RUBCN: variants seen among roughly 807,000 people sequenced by gnomAD.
RUBCN encodes run domain Beclin-1-interacting and cysteine-rich domain-containing protein.
RUBCN carries 74 observed loss-of-function variants against 113.2 expected under a neutral mutation model. The observed-to-expected ratio is 0.65, with a 90% CI of 0.54 to 0.79. The LOEUF is 0.79. Among genes scored for constraint, RUBCN ranks in the 30% least tolerant of loss-of-function variants. The pLI is 0.00. For synonymous variants in RUBCN, 480 were observed against 490.0 expected (o/e 0.98, Z 0.27); for missense variants, 1,109 against 1,251.7 (o/e 0.89, Z 1.72).
At position 197,671,166 on chromosome 3, in the gene RUBCN, C is replaced by T. The variant is rs149535879; in HGVS notation, c.*3852G>A. Among the ~76,000 whole-genome samples the T allele has an allele frequency of 7.7e-4, 117 of 152,240 alleles. No homozygotes were observed. The highest frequency in any genetic ancestry group is 2.7e-3 in the African/African-American group (112 of 41,534). On this transcript the variant is annotated 3_prime_UTR_variant, in exon 20 of 20. Coordinates refer to ENST00000296343, the MANE Select transcript of RUBCN (RefSeq NM_014687.4). ...AGTAGCTGGGATTACAAGCACATGC[C>T]ACCATGCCTGGCTAATTTTTATATT...
intron 2 of RUBCN, among the ~76,000 whole-genome samples, chr3:197,714,606 A>G (rs1490550421): frequency 6.6e-6 from 1 of 152,244 alleles, no homozygotes; most frequent in Non-Finnish European, 1.5e-5. Context: ...CTAGAATTAT[A>G]GGCATGAACC....
chr3:197,740,463 C>T (rs116549931), upstream of RUBCN, among the ~76,000 whole-genome samples: 1,502 of 149,854 alleles, frequency 0.01, 31 homozygotes, highest in African/African-American at 0.035. Context: ...GGCAAGACTC[C>T]ATCTTAAAAA....
intron 10 of RUBCN, 158 bp downstream of exon 10, chr3:197,694,217 A>G (rs551530954): frequency 1.3e-6 from 1 of 781,306 alleles, no homozygotes; most frequent in African/African-American, 1.7e-5. Context: ...CTGATGCAGG[A>G]AACGGAGCGA....
At chr3:197,696,825 A>G in intron 8 of RUBCN, 129 bp downstream of exon 8, 4 of 664,222 alleles carry the variant, frequency 6.0e-6, no homozygotes, top group Non-Finnish European at 8.3e-6. Context: ...ATGACAAAAG[A>G]GTGACTGAGA....
rs905934136 is a variant in RUBCN at position 197,744,935 on chromosome 3, A to G, written c.-116+4334T>C. 3.3e-5 allele frequency among the ~76,000 whole-genome samples: 5 copies of G among 152,292 alleles called. No homozygotes were observed. The East Asian group carries it at 9.6e-4, about 29-fold the overall frequency. On this transcript the variant is annotated intron_variant, in intron 1 of 20. Coordinates refer to the RUBCN transcript ENST00000273582. ...AGGTATATATCCTGTACACCTGTAT[A>G]AACTGCATACTTTCAGTATGTGTCT... is the stretch of plus-strand genomic sequence containing the variant.
chr3:197,680,430 G>A (rs895894602), intron 16 of RUBCN, among the ~76,000 whole-genome samples: 2 of 150,128 alleles, frequency 1.3e-5, no homozygotes, highest in African/African-American at 2.5e-5. Flanking sequence ...GCTCTAACTC[G>A]ACAAGTGGCT....
Position 197,701,076 on chromosome 3 carries a change from T to C in RUBCN, c.798A>G (p.Ser266=), listed in dbSNP as rs1364232114. ...RKPQESRGHV[S]PAEDQTIQAP... ...CTTGGATGGTTTGATCCTCTGCTGG[T>C]GAGACGTGCCCTCTGCTTTCTTGAG... Residue 266 remains serine, a synonymous_variant, in exon 7 of 20, where the codon TCA becomes TCG. Transcript: ENST00000296343. The C allele has an allele frequency of 6.2e-7, 1 of 1,608,604 alleles. No individual in the cohort carries two copies. Among genetic ancestry groups the C allele is most frequent in the Admixed American group, 1.7e-5 (1 of 59,792 alleles).
At chr3:197,696,822 A>C in intron 8 of RUBCN, 132 bp downstream of exon 8, 1 of 659,360 alleles carries the variant, frequency 1.5e-6, no homozygotes, top group Non-Finnish European at 2.8e-6. Context: ...AAAATGACAA[A>C]AGAGTGACTG....
chr3:197,725,824 A>G (rs887517332), intron 1 of RUBCN, among the ~76,000 whole-genome samples: 2 of 152,044 alleles, frequency 1.3e-5, no homozygotes, highest in African/African-American at 4.8e-5. Context: ...AAACCTAACC[A>G]CCAACAAACT....
intron 1 of RUBCN, 33 bp from the exon 2 acceptor site, chr3:197,718,163 T>C (rs1361298024): frequency 1.2e-6 from 2 of 1,613,322 alleles, no homozygotes; most frequent in Non-Finnish European, 1.7e-6. Context: ...AATCGTTAGT[T>C]ACCTTTGCTG....
chr3:197,709,016 T>C (rs544127949), intron 2 of RUBCN, among the ~76,000 whole-genome samples: 3 of 152,266 alleles, frequency 2.0e-5, no homozygotes, highest in Admixed American at 1.3e-4. Context: ...TTCTATCGCA[T>C]AGTTTATATA....
chr3:197,673,042 C>T lies in RUBCN; in HGVS notation c.*1976G>A, dbSNP rs1022395106. ...GAAGTAGAGCTCATTTTTATAAACT[C>T]CTGGGTCTGAATCTGGGACCTAACC... On this transcript the variant is annotated 3_prime_UTR_variant, in exon 20 of 20. Transcript: ENST00000296343. 2.0e-5 allele frequency: 3 copies of T among 152,230 alleles called. No homozygotes were observed. Among genetic ancestry groups the T allele is most frequent in the Non-Finnish European group, 4.4e-5 (3 of 68,080 alleles). 9.4% of individuals were successfully genotyped at this position (152,230 alleles called of 1,614,324 possible).
chr3:197,680,634 T>G (rs915469080), intron 16 of RUBCN, among the ~76,000 whole-genome samples: 4 of 152,218 alleles, frequency 2.6e-5, no homozygotes, highest in Admixed American at 2.0e-4. Flanking sequence ...GGCTTCAGAG[T>G]GCCCTCTAGT....
At chr3:197,705,865 C>T (rs1319667291) in intron 2 of RUBCN, among the ~76,000 whole-genome samples, 2 of 152,068 alleles carry the variant, frequency 1.3e-5, no homozygotes, top group African/African-American at 4.8e-5. Context: ...ACAGCTAGAA[C>T]TACAGGCACA....
chr3:197,703,397 C>CA (rs1165064210), intron 5 of RUBCN, 151 bp downstream of exon 5: 15,994 of 154,342 alleles, frequency 0.1, 3,625 homozygotes, highest in Non-Finnish European at 0.12. Flanking sequence ...GACTCTGTCT[C>CA]AAAAAAAAAA....
At chr3:197,749,601 G>T in exon 1 of RUBCN, 1 of 1,135,554 alleles carries the variant, frequency 8.8e-7, no homozygotes, top group Non-Finnish European at 1.2e-6. Context: ...GCAGCAGGAG[G>T]GACTCGAAGG....
At chr3:197,713,150 T>C (rs1293327501) in intron 2 of RUBCN, among the ~76,000 whole-genome samples, 3 of 152,244 alleles carry the variant, frequency 2.0e-5, no homozygotes, top group African/African-American at 7.2e-5. Context: ...TGAGCCACTG[T>C]GCCTAGCCAG....
At chr3:197,733,037 C>T (rs1281409377) in intron 1 of RUBCN, among the ~76,000 whole-genome samples, 1 of 152,188 alleles carries the variant, frequency 6.6e-6, no homozygotes, top group Non-Finnish European at 1.5e-5. Flanking sequence ...AGGCAGGTTA[C>T]GTAAAGTAAC....
chr3:197,677,476 T>A lies in RUBCN; in HGVS notation c.2492+4A>T. On this transcript the variant is annotated splice_donor_region_variant and intron_variant, in intron 17 of 19. Transcript: ENST00000296343. ...CAGAGGGCTCTAGCTCCAAAAGGAC[T>A]TACTCCTTGGCCAGTCGGCAAGTCT... 1 of 1,613,566 alleles carries A rather than the reference T, an allele frequency of 6.2e-7. No individual in the cohort carries two copies.
Sources: gnomAD v4.1 joint callset for allele counts (sites outside exome capture counted in the v4.1 genomes callset) on GRCh38, gnomAD v4.1.1 for gene constraint, MANE v1.5 for transcripts, NCBI Gene and HGNC (gene_info 2026-07-23, HGNC 2026-07-21) for gene names.